The following ZNF846 variants were observed in gnomAD, a reference collection of about 807,000 sequenced individuals.
The protein encoded by ZNF846 is zinc finger protein 846.
A neutral mutation model predicts 16.0 loss-of-function variants in ZNF846; 15 were observed. The observed-to-expected ratio is 0.94, with a 90% confidence interval of 0.63 to 1.45. The LOEUF (loss-of-function observed/expected upper bound fraction) is 1.45, where lower values mean the gene tolerates loss of function less well. Ranked by LOEUF, ZNF846 falls within the 40% of genes most tolerant of loss-of-function variation. ZNF846 has a pLI of 0.00. For missense variants in ZNF846, 714 were observed against 622.3 expected (o/e 1.15, Z -1.57); for synonymous variants, 229 against 212.0 (o/e 1.08, Z -0.70).
intron 1 of ZNF846, among the ~76,000 whole-genome samples, chr19:9,767,387 G>C (rs2045333524): frequency 1.3e-5 from 2 of 151,550 alleles, no homozygotes; most frequent in Non-Finnish European, 1.5e-5. Flanking sequence ...CGCCCACCTC[G>C]GCCTCCCAAA....
chr19:9,772,263 T>C (rs2145289168), upstream of ZNF846, among the ~76,000 whole-genome samples: 1 of 152,266 alleles, frequency 6.6e-6, no homozygotes, highest in Middle Eastern at 3.4e-3. Flanking sequence ...AATGAAGAAA[T>C]ACTTCCTAAT....
At chr19:9,760,873 G>A (rs2045215842) in intron 4 of ZNF846, among the ~76,000 whole-genome samples, 1 of 151,498 alleles carries the variant, frequency 6.6e-6, no homozygotes, top group African/African-American at 2.4e-5. Context: ...TACTTGATGG[G>A]TATATGGTTT....
At chr19:9,780,599 AC>A (rs1214007103) in intron 1 of ZNF846, among the ~76,000 whole-genome samples, 2 of 151,914 alleles carry the variant, frequency 1.3e-5, no homozygotes, top group Admixed American at 6.6e-5. Flanking sequence ...ACAGGTGTGC[AC>A]CATCATGCCC....
Position 9,760,013 on chromosome 19 carries a change from T to A in ZNF846, c.230-71A>T. 3 of 1,158,264 alleles carry A rather than the reference T, an allele frequency of 2.6e-6. No individual in the cohort carries two copies. In the South Asian group the frequency reaches 3.8e-5, roughly 15 times the overall value. The allele number at this position is 1,158,264 out of a possible 1,614,324, so 71.7% of individuals were successfully genotyped here. A position where few individuals can be genotyped will look rare whatever the true frequency, so the allele number is the denominator to read the frequency against. ...AAAGTCGTTTAAAAGCCTATGGGGC[T>A]GGGCGTGGTGGCTCACACCTGTAAT... is the stretch of plus-strand genomic sequence containing the variant. On this transcript the variant is annotated intron_variant, in intron 4 of 5. Coordinates refer to ENST00000397902, the Ensembl canonical transcript of ZNF846.
chr19:9,769,532 A>G (rs1356879081), upstream of ZNF846, among the ~76,000 whole-genome samples: 1 of 152,004 alleles, frequency 6.6e-6, no homozygotes, highest in Non-Finnish European at 1.5e-5. Context: ...CCCTAGGGAA[A>G]TTCTTTTCTG....
chr19:9,775,091 C>CTTTCTACAGTT, intron 1 of ZNF846: 1 of 777,902 alleles, frequency 1.3e-6, no homozygotes, highest in East Asian at 2.7e-5. Context: ...CAGTTACTAA[C>CTTTCTACAGTT]TTTCTACAGT....
chr19:9,753,081 A>C (rs930422570), downstream of ZNF846, among the ~76,000 whole-genome samples: 10 of 151,606 alleles, frequency 6.6e-5, 1 homozygote, highest in African/African-American at 2.4e-4. Flanking sequence ...GGCATGAAAT[A>C]TCTTTGGGGT....
At chr19:9,766,751 T>C (rs1381041835) in intron 1 of ZNF846, among the ~76,000 whole-genome samples, 1 of 147,924 alleles carries the variant, frequency 6.8e-6, no homozygotes, top group Non-Finnish European at 1.5e-5. Context: ...AATACAAAAA[T>C]TAGCTGGGCA....
At chr19:9,752,898 C>T (rs1480848390), downstream of ZNF846, among the ~76,000 whole-genome samples, 6 of 151,892 alleles carry the variant, frequency 4.0e-5, no homozygotes, top group Non-Finnish European at 8.8e-5. Context: ...TCCATTCAGG[C>T]TGCTATAACA....
chr19:9,762,304 A>G lies in ZNF846; in HGVS notation c.143-136T>C, dbSNP rs190397061. On this transcript the variant is annotated intron_variant, in intron 3 of 5. Coordinates refer to ENST00000397902, the Ensembl canonical transcript of ZNF846. ...ACTTTACAAATAGCAAACTAATCATATAACATTTCCAATACATGCACTAAA... is the reference window on the plus strand; with the variant it reads ...ACTTTACAAATAGCAAACTAATCATGTAACATTTCCAATACATGCACTAAA... The G allele has an allele frequency of 1.2e-4, 79 of 670,138 alleles. 2 individuals are homozygous for G. The Middle Eastern group carries it at 2.5e-3, about 21-fold the overall frequency. The allele number at this position is 670,138 out of a possible 1,614,324, so 41.5% of individuals were successfully genotyped here. A position where few individuals can be genotyped will look rare whatever the true frequency, so the allele number is the denominator to read the frequency against.
At chr19:9,773,789 G>T (rs1290858064) in intron 1 of ZNF846, among the ~76,000 whole-genome samples, 1 of 151,658 alleles carries the variant, frequency 6.6e-6, no homozygotes, top group African/African-American at 2.4e-5. Context: ...CTCAAAAAAA[G>T]AAAAAGAAAA....
upstream of ZNF846, chr19:9,768,864 C>T (rs2145273582): frequency 1.3e-5 from 2 of 152,374 alleles, no homozygotes; most frequent in South Asian, 4.1e-4. Context: ...ACCTCTTCGA[C>T]ACGCGTACAG....
exon 6 of ZNF846, chr19:9,758,607 T>C: frequency 1.2e-6 from 2 of 1,613,034 alleles, no homozygotes; most frequent in African/African-American, 1.3e-5. Context: ...GTAAAAACTA[T>C]GAGGAAAGTT....
chr19:9,769,859 T>C (rs1235444642), upstream of ZNF846, among the ~76,000 whole-genome samples: 3 of 151,494 alleles, frequency 2.0e-5, no homozygotes, highest in Non-Finnish European at 4.4e-5. Context: ...TGGGCGCCTG[T>C]AATCCCAGCT....
intron 1 of ZNF846, among the ~76,000 whole-genome samples, chr19:9,767,432 C>G (rs1466743796): frequency 8.3e-6 from 1 of 120,990 alleles, no homozygotes; most frequent in East Asian, 2.4e-4. Flanking sequence ...TTACCGCACC[C>G]GGCCAATACA....
chr19:9,765,338 G>C (rs1356299762), intron 1 of ZNF846, among the ~76,000 whole-genome samples: 1 of 151,784 alleles, frequency 6.6e-6, no homozygotes, highest in Non-Finnish European at 1.5e-5. Flanking sequence ...CCATGCCACT[G>C]CACTCCAGCC....
At chr19:9,759,911 G>A (rs375635353) in exon 5 of ZNF846, 12 of 1,612,970 alleles carry the variant, frequency 7.4e-6, no homozygotes, top group Admixed American at 1.7e-5. Flanking sequence ...GCAGCAGTGG[G>A]GAGCCTTTGG....
chr19:9,761,523 C>T (rs903692778), intron 4 of ZNF846, among the ~76,000 whole-genome samples: 1 of 151,760 alleles, frequency 6.6e-6, no homozygotes, highest in African/African-American at 2.4e-5. Flanking sequence ...ACAGCCTGGC[C>T]AACATAGTGA....
chr19:9,754,881 T>C (rs1356649283), downstream of ZNF846, among the ~76,000 whole-genome samples: 2 of 151,326 alleles, frequency 1.3e-5, no homozygotes, highest in Non-Finnish European at 2.9e-5. Flanking sequence ...TTTTCTTTTT[T>C]TGAGATGGAG....
Sources: gnomAD v4.1 joint callset for allele counts (sites outside exome capture counted in the v4.1 genomes callset) on GRCh38, gnomAD v4.1.1 for gene constraint, MANE v1.5 for transcripts, NCBI Gene and HGNC (gene_info 2026-07-23, HGNC 2026-07-21) for gene names.